TUSC3: variants seen among roughly 807,000 people sequenced by gnomAD.
The protein encoded by TUSC3 is tumor suppressor candidate 3.
TUSC3 carries 45 observed loss-of-function variants against 44.8 expected under a neutral mutation model. The ratio of observed to expected loss-of-function variants is 1.00; its 90% CI spans 0.79 to 1.29. The LOEUF (loss-of-function observed/expected upper bound fraction) is 1.29, where lower values mean the gene tolerates loss of function less well. TUSC3 is among the 50% of genes most tolerant of loss of function. The probability of loss-of-function intolerance (pLI) is 0.00; values close to 1 mark genes in which losing one functional copy is unlikely to be tolerated. For synonymous variants in TUSC3, 212 were observed against 152.9 expected (o/e 1.39, Z -2.85); for missense variants, 519 against 437.9 (o/e 1.19, Z -1.65).
chr8:15,589,890 C>G (rs945453523), intron 1 of TUSC3, among the ~76,000 whole-genome samples: 11 of 152,196 alleles, frequency 7.2e-5, no homozygotes, highest in African/African-American at 2.2e-4. Flanking sequence ...TAAATTCTCA[C>G]TATCCCTAGT....
intron 2 of TUSC3, among the ~76,000 whole-genome samples, chr8:15,515,657 T>C (rs566909692): frequency 6.6e-6 from 1 of 152,094 alleles, no homozygotes; most frequent in South Asian, 2.1e-4. Context: ...ACAAAATATA[T>C]ATATATGTAT....
At chr8:15,659,328 A>G (rs1254241115) in intron 3 of TUSC3, among the ~76,000 whole-genome samples, 179 bp from the exon 4 acceptor site, 1 of 152,162 alleles carries the variant, frequency 6.6e-6, no homozygotes, top group African/African-American at 2.4e-5. Flanking sequence ...TCAGATTTAC[A>G]TGTTCTTTTT....
At chr8:15,791,760 C>G in the TUSC3 span, among the ~76,000 whole-genome samples, 1 of 152,090 alleles carries the variant, frequency 6.6e-6, no homozygotes, top group Non-Finnish European at 1.5e-5. Flanking sequence ...ACTGCTTTGA[C>G]CTACTGGTAA....
At chr8:15,788,402 C>G in the TUSC3 span, among the ~76,000 whole-genome samples, 1 of 152,106 alleles carries the variant, frequency 6.6e-6, no homozygotes, top group Admixed American at 6.5e-5. Flanking sequence ...AACAAATTAG[C>G]CGGGCTTGGT....
intron 6 of TUSC3, among the ~76,000 whole-genome samples, chr8:15,720,342 TA>T (rs1392443781): frequency 6.6e-6 from 1 of 151,902 alleles, no homozygotes; most frequent in Non-Finnish European, 1.5e-5. Flanking sequence ...TAAAGAAATA[TA>T]AAATTACCTC....
chr8:15,680,716 G>T (rs1432252931), intron 6 of TUSC3, among the ~76,000 whole-genome samples: 1 of 152,074 alleles, frequency 6.6e-6, no homozygotes, highest in Non-Finnish European at 1.5e-5. Flanking sequence ...GTATGATGTT[G>T]CCTGTGGGTT....
chr8:15,654,787 A>G (rs1345943102), intron 3 of TUSC3, among the ~76,000 whole-genome samples: 2 of 151,918 alleles, frequency 1.3e-5, no homozygotes, highest in African/African-American at 4.8e-5. Context: ...ACACAGCAAG[A>G]CTCCATCTCA....
At chr8:15,444,411 G>A (rs1235426692) in intron 1 of TUSC3, among the ~76,000 whole-genome samples, 1 of 152,204 alleles carries the variant, frequency 6.6e-6, no homozygotes, top group Non-Finnish European at 1.5e-5. Context: ...TGAGTCAGGG[G>A]AGATAGCAGT....
At chr8:15,758,830 G>T (rs1812046246) in intron 10 of TUSC3, among the ~76,000 whole-genome samples, 1 of 152,118 alleles carries the variant, frequency 6.6e-6, no homozygotes, top group Non-Finnish European at 1.5e-5. Flanking sequence ...AGCACTAGGA[G>T]ACTGGACTGC....
chr8:15,455,194 G>T (rs2010663), intron 1 of TUSC3, among the ~76,000 whole-genome samples: 1 of 152,154 alleles, frequency 6.6e-6, no homozygotes, highest in Admixed American at 6.5e-5. Context: ...CACATACCAA[G>T]TGACCTCTGG....
At chr8:15,733,251 A>C (rs1282619354) in intron 7 of TUSC3, 2 of 288,402 alleles carry the variant, frequency 6.9e-6, no homozygotes, top group Non-Finnish European at 1.3e-5. Context: ...GATATTCAGG[A>C]AGCAAAACAT....
chr8:15,635,714 A>G (rs1417803509), intron 2 of TUSC3, among the ~76,000 whole-genome samples: 3 of 152,138 alleles, frequency 2.0e-5, no homozygotes, highest in East Asian at 3.9e-4. Context: ...CTTGACTAGC[A>G]TGGCTGCTGC....
chr8:15,644,701 T>C (rs1009286740), intron 2 of TUSC3, among the ~76,000 whole-genome samples: 3 of 152,110 alleles, frequency 2.0e-5, no homozygotes, highest in Non-Finnish European at 4.4e-5. Flanking sequence ...TTTTTTTTTC[T>C]AATGAATCTT....
intron 1 of TUSC3, among the ~76,000 whole-genome samples, chr8:15,600,094 G>A (rs1804221609): frequency 6.6e-6 from 1 of 151,712 alleles, no homozygotes; most frequent in South Asian, 2.1e-4. Flanking sequence ...CTAGTATGAT[G>A]TTGAAAACAA....
At chr8:15,725,603 C>G (rs1003127281) in intron 6 of TUSC3, among the ~76,000 whole-genome samples, 7 of 151,202 alleles carry the variant, frequency 4.6e-5, no homozygotes, top group African/African-American at 1.7e-4. Flanking sequence ...TCTTAGATGA[C>G]TGATGATGAT....
At chr8:15,850,455 T>G in the TUSC3 span, among the ~76,000 whole-genome samples, 1 of 152,210 alleles carries the variant, frequency 6.6e-6, no homozygotes, top group African/African-American at 2.4e-5. Flanking sequence ...TCTGGTTATT[T>G]AACTCACAAG....
At chr8:15,750,127 C>T (rs930768723) in intron 9 of TUSC3, among the ~76,000 whole-genome samples, 5 of 151,198 alleles carry the variant, frequency 3.3e-5, no homozygotes, top group African/African-American at 7.3e-5. Flanking sequence ...CTACGGGTGC[C>T]CGCCACCATG....
intron 6 of TUSC3, among the ~76,000 whole-genome samples, chr8:15,685,926 T>C (rs1278914547): frequency 8.5e-6 from 1 of 117,692 alleles, no homozygotes; most frequent in Non-Finnish European, 1.8e-5. Context: ...AATTGTGAAA[T>C]CAAACATGTC....
chr8:15,522,346 C>T (rs1801310212), intron 2 of TUSC3, among the ~76,000 whole-genome samples: 1 of 151,944 alleles, frequency 6.6e-6, no homozygotes, highest in Admixed American at 6.6e-5. Flanking sequence ...AATTCTTGTG[C>T]CTAAGCCTCC....
Sources: gnomAD v4.1 joint callset for allele counts (sites outside exome capture counted in the v4.1 genomes callset) on GRCh38, gnomAD v4.1.1 for gene constraint, MANE v1.5 for transcripts, NCBI Gene and HGNC (gene_info 2026-07-23, HGNC 2026-07-21) for gene names.